Variants in SSH2 observed in about 807,000 individuals in gnomAD.
SSH2 encodes the protein slingshot protein phosphatase 2, also known as protein phosphatase Slingshot homolog 2.
SSH2 carries 37 observed loss-of-function variants against 135.2 expected under a neutral mutation model. That is an observed-to-expected ratio of 0.27 (90% CI 0.21 to 0.36). The LOEUF is 0.36. SSH2 is among the 10% of genes least tolerant of loss of function. The pLI is 1.00. For synonymous variants in SSH2, 628 were observed against 646.2 expected (o/e 0.97, Z 0.43); for missense variants, 1,408 against 1,765.3 (o/e 0.80, Z 3.63).
rs1009547700 is a variant in SSH2, at chr17:29,646,968, A to AT, written c.1427+1175dup. ...ATACCCAAATTAGCAGATGGTACTTATTTTTTTTTTTAAAGAGTCGGCCAG... is the reference window on the plus strand; with the variant it reads ...ATACCCAAATTAGCAGATGGTACTTATTTTTTTTTTTTAAAGAGTCGGCCAG... On this transcript the variant is annotated intron_variant, in intron 14 of 15. Coordinates refer to ENST00000540801, the MANE Select transcript of SSH2 (RefSeq NM_001282129.2). Among the ~76,000 whole-genome samples the AT allele has an allele frequency of 1.0e-3, 148 of 146,998 alleles. 1 individual carries two copies. Among genetic ancestry groups the AT allele is most frequent in the Middle Eastern group, 3.5e-3 (1 of 284 alleles).
intron 5 of SSH2, among the ~76,000 whole-genome samples, chr17:29,688,531 T>C (rs2038326161): frequency 6.6e-6 from 1 of 152,032 alleles, no homozygotes; most frequent in Admixed American, 6.6e-5. Flanking sequence ...TGGAATGCAG[T>C]GGTGTGATCT....
At chr17:29,650,290 A>T (rs1048500366) in intron 13 of SSH2, among the ~76,000 whole-genome samples, 1 of 152,230 alleles carries the variant, frequency 6.6e-6, no homozygotes, top group Non-Finnish European at 1.5e-5. Flanking sequence ...GAGGACCAGT[A>T]TTCTATCTAT....
chr17:29,916,941 A>T (rs2066892008), intron 1 of SSH2, among the ~76,000 whole-genome samples: 1 of 152,078 alleles, frequency 6.6e-6, no homozygotes, highest in Non-Finnish European at 1.5e-5. Context: ...CACTGCTCCA[A>T]TCAGCAAGCT....
intron 3 of SSH2, among the ~76,000 whole-genome samples, chr17:29,705,138 T>C (rs2039145893): frequency 6.6e-6 from 1 of 152,214 alleles, no homozygotes; most frequent in African/African-American, 2.4e-5. Context: ...TTCCTTCCTA[T>C]AATATATATC....
intron 3 of SSH2, among the ~76,000 whole-genome samples, chr17:29,708,623 G>A (rs2039310464): frequency 6.7e-6 from 1 of 150,198 alleles, no homozygotes; most frequent in African/African-American, 2.4e-5. Context: ...AAAAAAACCG[G>A]TTCTTTAGAA....
Position 29,635,983 on chromosome 17 carries a change from A to G in SSH2, c.2247T>C (p.Asp749=). The G allele has an allele frequency of 6.2e-7, 1 of 1,611,612 alleles. No homozygotes were observed. The highest frequency in any genetic ancestry group is 8.5e-7 in the Non-Finnish European group (1 of 1,178,000). ...CAGTTTTTACCTTTGACTGTTCCTCATCCATTGAAGATTCTTCTGATGCAT... is the reference window on the plus strand; with the variant it reads ...CAGTTTTTACCTTTGACTGTTCCTCGTCCATTGAAGATTCTTCTGATGCAT... ...TPHASEESSM[D]EEQSKAISEL... The change falls in exon 15 of 16, where the codon GAT becomes GAC. Residue 749 remains aspartate, a synonymous_variant. Coordinates refer to ENST00000540801, the MANE Select transcript of SSH2 (RefSeq NM_001282129.2).
At chr17:29,756,115 GA>G (rs1271421791) in intron 3 of SSH2, among the ~76,000 whole-genome samples, 1 of 151,018 alleles carries the variant, frequency 6.6e-6, no homozygotes, top group Non-Finnish European at 1.5e-5. Flanking sequence ...AAAAAAGAAA[GA>G]AAAAAAATTA....
intron 2 of SSH2, among the ~76,000 whole-genome samples, chr17:29,815,594 A>G (rs1288328405): frequency 1.3e-5 from 2 of 152,204 alleles, no homozygotes; most frequent in African/African-American, 4.8e-5. Context: ...CTTATGAGGT[A>G]TTAGGTAGAT....
chr17:29,823,236 AT>A (rs978814493), intron 2 of SSH2, among the ~76,000 whole-genome samples: 1 of 152,200 alleles, frequency 6.6e-6, no homozygotes, highest in African/African-American at 2.4e-5. Flanking sequence ...ATAGTTTCAT[AT>A]TTTTTAAAAA....
chr17:29,789,148 G>C (rs1445230859), intron 3 of SSH2, among the ~76,000 whole-genome samples: 1 of 152,192 alleles, frequency 6.6e-6, no homozygotes, highest in Non-Finnish European at 1.5e-5. Flanking sequence ...TAAGCAAAGT[G>C]GTGAAGGAGT....
chr17:29,677,581 A>G, intron 7 of SSH2, 92 bp downstream of exon 7: 1 of 1,060,446 alleles, frequency 9.4e-7, no homozygotes, highest in Non-Finnish European at 1.5e-6. Context: ...CAGTTGGCAC[A>G]CTGGGCCTCC....
intron 2 of SSH2, among the ~76,000 whole-genome samples, chr17:29,805,961 G>C (rs2042338245): frequency 6.6e-6 from 1 of 152,018 alleles, no homozygotes; most frequent in African/African-American, 2.4e-5. Context: ...GTAGATATTA[G>C]ACAAATTAAT....
chr17:29,788,440 A>C (rs903130133), intron 3 of SSH2, among the ~76,000 whole-genome samples: 4 of 152,120 alleles, frequency 2.6e-5, no homozygotes, highest in Non-Finnish European at 5.9e-5. Flanking sequence ...TGGCTCTCCT[A>C]GTTCTTTAAG....
intron 1 of SSH2, among the ~76,000 whole-genome samples, chr17:29,865,591 G>T (rs2065839750): frequency 6.6e-6 from 1 of 152,184 alleles, no homozygotes; most frequent in Non-Finnish European, 1.5e-5. Context: ...CCTTGAAGGG[G>T]AAGAAGACTT....
intron 1 of SSH2, among the ~76,000 whole-genome samples, chr17:29,928,090 C>A (rs1242664927): frequency 2.6e-5 from 4 of 151,976 alleles, no homozygotes; most frequent in Non-Finnish European, 5.9e-5. Flanking sequence ...TCAACAGTGC[C>A]CAAGGAAAAT....
At chr17:29,918,758 G>T (rs375917505) in intron 1 of SSH2, among the ~76,000 whole-genome samples, 1 of 152,096 alleles carries the variant, frequency 6.6e-6, no homozygotes, top group South Asian at 2.1e-4. Context: ...CCAACATGGC[G>T]AAACCCTATC....
At chr17:29,671,009 C>T (rs1402743074) in intron 9 of SSH2, among the ~76,000 whole-genome samples, 17 of 152,080 alleles carry the variant, frequency 1.1e-4, no homozygotes, top group Non-Finnish European at 7.4e-5. Flanking sequence ...AAAATAGTCA[C>T]AGAAGTTTCA....
intron 3 of SSH2, among the ~76,000 whole-genome samples, chr17:29,741,379 G>T (rs1342869113): frequency 5.9e-5 from 9 of 152,158 alleles, no homozygotes; most frequent in Non-Finnish European, 1.3e-4. Flanking sequence ...CATGGGCAAA[G>T]ATTGAAGCAT....
intron 1 of SSH2, among the ~76,000 whole-genome samples, chr17:29,866,675 C>T (rs1382478989): frequency 6.6e-6 from 1 of 152,082 alleles, no homozygotes. Flanking sequence ...TGTCTAGTTG[C>T]TAATTAAATG....
Sources: gnomAD v4.1 joint callset for allele counts (sites outside exome capture counted in the v4.1 genomes callset) on GRCh38, gnomAD v4.1.1 for gene constraint, MANE v1.5 for transcripts, NCBI Gene and HGNC (gene_info 2026-07-23, HGNC 2026-07-21) for gene names.